The following PRMT7 variants were observed in gnomAD, a reference collection of about 807,000 sequenced individuals.
PRMT7 encodes protein arginine N-methyltransferase 7.
PRMT7 carries 75 observed loss-of-function variants against 85.4 expected under a neutral mutation model. That is an observed-to-expected ratio of 0.88 (90% CI 0.73 to 1.06). PRMT7 has a LOEUF of 1.06. Ranked by LOEUF, PRMT7 falls within the 50% of genes least tolerant of loss-of-function variation. PRMT7 has a pLI of 0.00. For missense variants in PRMT7, 868 were observed against 915.2 expected, an observed-to-expected ratio of 0.95 and a Z score of 0.67; for synonymous variants, 397 against 359.5, an observed-to-expected ratio of 1.10 and a Z score of -1.18.
At chr16:68,341,263 TCTTCCCACCCAC>T (rs2085491648) in intron 9 of PRMT7, among the ~76,000 whole-genome samples, 1 of 152,224 alleles carries the variant, frequency 6.6e-6, no homozygotes, top group Non-Finnish European at 1.5e-5. Context: ...CCTGATGGGT[TCTTCCCACCCAC>T]TGTTCAGACA....
In PRMT7 at chr16:68,346,224, T is replaced by G. The variant is rs781038437; in HGVS notation, c.1135T>G (p.Phe379Val). 2.5e-6 allele frequency: 4 copies of G among 1,614,068 alleles called. No individual in the cohort carries two copies. The East Asian group carries it at 8.9e-5, about 36-fold the overall frequency. The change falls in exon 11 of 19, where the codon TTT (phenylalanine) becomes GTT (valine). Residue 379 changes from phenylalanine (F) to valine (V), a missense_variant. By Grantham distance (50) the Phe-to-Val change is conservative. Coordinates refer to ENST00000441236, the MANE Select transcript of PRMT7 (RefSeq NM_019023.5). ...QAHLLWNRPRFGEINDQDRTD... is the reference protein window; with the variant it reads ...QAHLLWNRPRVGEINDQDRTD... ...TCACCTGCTCTGGAACCGGCCTCGG[T>G]TTGGAGAGATCAATGACCAGGACAG... is the stretch of plus-strand genomic sequence containing the variant.
intron 5 of PRMT7, among the ~76,000 whole-genome samples, chr16:68,328,861 T>C (rs535981431): frequency 4.4e-4 from 67 of 152,336 alleles, no homozygotes; most frequent in Non-Finnish European, 8.7e-4. Flanking sequence ...GCATCCCCGC[T>C]GTGCCTGGCA....
chr16:68,323,622 T>A (rs1219615036), intron 4 of PRMT7: 2 of 152,268 alleles, frequency 1.3e-5, no homozygotes, highest in Admixed American at 6.5e-5. Flanking sequence ...GTATGAAAAA[T>A]TTTTTTTCTT....
chr16:68,341,120 CAT>C (rs1395883942), intron 9 of PRMT7, among the ~76,000 whole-genome samples: 2 of 152,184 alleles, frequency 1.3e-5, no homozygotes, highest in Non-Finnish European at 2.9e-5. Context: ...GGAAAGGAAA[CAT>C]ATTTTTTACT....
intron 6 of PRMT7, among the ~76,000 whole-genome samples, chr16:68,336,318 C>T (rs1193945284): frequency 6.6e-6 from 1 of 152,178 alleles, no homozygotes; most frequent in Non-Finnish European, 1.5e-5. Flanking sequence ...ACAGAAGATC[C>T]CTCCCAAATC....
intron 2 of PRMT7, chr16:68,315,636 G>A (rs577049988): frequency 6.5e-6 from 2 of 307,474 alleles, no homozygotes; most frequent in Non-Finnish European, 1.2e-5. Flanking sequence ...GCCTGCTGAA[G>A]TTTCCAGACA....
downstream of PRMT7, chr16:68,360,497 A>G (rs2089192757): frequency 6.6e-6 from 1 of 152,584 alleles, no homozygotes; most frequent in East Asian, 1.9e-4. Flanking sequence ...GGGAAGAGCA[A>G]AGTTCTATGA....
rs866159981 is a variant in PRMT7, at chr16:68,325,004, A to G, written c.282+172A>G. On this transcript the variant is annotated intron_variant, in intron 5 of 18. Transcript: ENST00000441236. ...TGAGTCAGACACAGTTCCTTCCTCC[A>G]GGAGCTAATTTTCTCCTCTGTCAGC... 1.1e-4 allele frequency: 84 copies of G among 777,272 alleles called. No individual in the cohort carries two copies. In the Middle Eastern group the frequency reaches 1.1e-3, roughly 10 times the overall value. The allele number at this position is 777,272 out of a possible 1,614,324, so 48.1% of individuals were successfully genotyped here.
Position 68,345,741 on chromosome 16 carries a change from G to A in PRMT7, c.994G>A (p.Ala332Thr), listed in dbSNP as rs1302275373. Residue 332 changes from alanine (A) to threonine (T), a missense_variant, in exon 10 of 19, where the codon GCG (alanine) becomes ACG (threonine). Coordinates refer to ENST00000441236, the MANE Select transcript of PRMT7 (RefSeq NM_019023.5). ...AGAGGAGCCTGTGGTGCAGGGCTCA[G>A]CGCTCTATCTGGTAGCCCACCACGA... ...PQEEPVVQGSALYLVAHHDDY... is the reference protein window; with the variant it reads ...PQEEPVVQGSTLYLVAHHDDY... 12 of 1,614,028 alleles carry A rather than the reference G, an allele frequency of 7.4e-6. No individual in the cohort carries two copies. Among genetic ancestry groups the A allele is most frequent in the Non-Finnish European group, 1.0e-5 (12 of 1,180,056 alleles).
chr16:68,348,538 TC>T, intron 14 of PRMT7, 107 bp downstream of exon 14: 1 of 753,684 alleles, frequency 1.3e-6, no homozygotes, highest in Non-Finnish European at 2.1e-6. Context: ...CAGTGGGTCC[TC>T]CACATGCAAC....
intron 9 of PRMT7, among the ~76,000 whole-genome samples, chr16:68,342,063 A>T (rs1226566389): frequency 1.3e-5 from 2 of 152,148 alleles, no homozygotes; most frequent in Non-Finnish European, 2.9e-5. Context: ...GGATCATTTG[A>T]GGTCAGGAGT....
chr16:68,349,293 T>C (rs981756553), intron 14 of PRMT7, among the ~76,000 whole-genome samples: 2 of 151,394 alleles, frequency 1.3e-5, no homozygotes, highest in Admixed American at 6.6e-5. Context: ...CCCTACTGCA[T>C]CCTCTCTGGT....
intron 1 of PRMT7, chr16:68,311,809 C>T (rs1336622058): frequency 1.3e-5 from 2 of 152,030 alleles, no homozygotes; most frequent in Non-Finnish European, 2.9e-5. Flanking sequence ...TTGTAGATCT[C>T]AAATGCTAGT....
rs183432151 is a variant in PRMT7, at chr16:68,339,784, T to A, written c.747-4T>A. The A allele has an allele frequency of 3.7e-6, 6 of 1,612,554 alleles. No homozygotes were observed. In the Admixed American group the frequency reaches 1.0e-4, roughly 27 times the overall value. On this transcript the variant is annotated splice_region_variant and splice_polypyrimidine_tract_variant and intron_variant, in intron 8 of 18. Transcript: ENST00000441236. ...TGCTTACATTCTTGAATATTATTCCTCAGCATAGACTTCAGCAAGCAAGTC... is the reference window on the plus strand; with the variant it reads ...TGCTTACATTCTTGAATATTATTCCACAGCATAGACTTCAGCAAGCAAGTC...
intron 16 of PRMT7, 25 bp downstream of exon 16, chr16:68,353,591 G>A (rs368706372): frequency 1.2e-5 from 18 of 1,546,954 alleles, no homozygotes; most frequent in Non-Finnish European, 1.5e-5. Flanking sequence ...ACTCTGCATA[G>A]TACCCCCGAC....
In PRMT7 at chr16:68,321,443, T is replaced by A; in HGVS notation, c.113T>A (p.Met38Lys). 6.2e-7 allele frequency: 1 copy of A among 1,610,988 alleles called. No homozygotes were observed. Among genetic ancestry groups the A allele is most frequent in the Non-Finnish European group, 8.5e-7 (1 of 1,177,612 alleles). Residue 38 changes from methionine to lysine, a missense_variant, in exon 4 of 19, where the codon ATG becomes AAG. Physicochemically the swap from Met to Lys is moderately conservative, Grantham distance 95. Coordinates refer to ENST00000441236, the MANE Select transcript of PRMT7 (RefSeq NM_019023.5). Reference protein sequence around the residue: ...QEIARSSYADMLHDKDRNVKY... With the variant: ...QEIARSSYADKLHDKDRNVKY... ...TTTTTTAGGTCATCTTATGCAGATA[T>A]GCTACATGACAAAGACAGAGTAAGT...
chr16:68,356,271 G>A (rs1294130905), intron 17 of PRMT7, among the ~76,000 whole-genome samples: 1 of 152,224 alleles, frequency 6.6e-6, no homozygotes, highest in Non-Finnish European at 1.5e-5. Context: ...GTCCTGCTCC[G>A]GCCCTCACCC....
chr16:68,337,639 C>G (rs2084899015), intron 7 of PRMT7, 68 bp downstream of exon 7: 2 of 1,021,556 alleles, frequency 2.0e-6, no homozygotes, highest in South Asian at 1.6e-5. Context: ...CTCACTCATG[C>G]ACCGTGTCCC....
intron 1 of PRMT7, chr16:68,311,440 C>T (rs2043661656): frequency 4.3e-6 from 1 of 231,686 alleles, no homozygotes; most frequent in African/African-American, 2.4e-5. Context: ...CTTTGCCACT[C>T]ACTGTTCTGA....
Sources: allele counts gnomAD v4.1 joint callset (sites outside exome capture counted in the v4.1 genomes callset), GRCh38; gene constraint gnomAD v4.1.1; transcripts MANE v1.5; gene names NCBI Gene and HGNC (gene_info 2026-07-23, HGNC 2026-07-21).